The following SENP7 variants were observed in gnomAD, a reference collection of about 807,000 sequenced individuals.
SENP7 encodes sentrin-specific protease 7.
SENP7 carries 64 observed loss-of-function variants against 141.2 expected under a neutral mutation model. That is an observed-to-expected ratio of 0.45 (90% CI 0.37 to 0.56). The LOEUF is 0.56. Ranked by LOEUF, SENP7 falls within the 20% of genes least tolerant of loss-of-function variation. The pLI, the probability that SENP7 is intolerant of heterozygous loss-of-function variation, is 0.00. For synonymous variants in SENP7, 382 were observed against 426.4 expected, an observed-to-expected ratio of 0.90 and a Z score of 1.28; for missense variants, 1,025 against 1,212.2, an observed-to-expected ratio of 0.85 and a Z score of 2.29.
At chr3:101,377,977 A>T (rs918815474) in intron 6 of SENP7, among the ~76,000 whole-genome samples, 1 of 152,168 alleles carries the variant, frequency 6.6e-6, no homozygotes, top group African/African-American at 2.4e-5. Context: ...TAGCAGTAGG[A>T]TATAAATAAC....
intron 6 of SENP7, among the ~76,000 whole-genome samples, chr3:101,380,465 A>C (rs2060471068): frequency 6.7e-6 from 1 of 149,894 alleles, no homozygotes; most frequent in Non-Finnish European, 1.5e-5. Flanking sequence ...ACACAAAACA[A>C]AACATAACTA....
intron 5 of SENP7, among the ~76,000 whole-genome samples, chr3:101,408,999 T>C (rs1489614502): frequency 6.6e-6 from 1 of 152,158 alleles, no homozygotes; most frequent in African/African-American, 2.4e-5. Flanking sequence ...CTGTCCCTAT[T>C]TGCTGACGCT....
chr3:101,486,585 C>T (rs2064739200), intron 3 of SENP7, among the ~76,000 whole-genome samples: 1 of 152,170 alleles, frequency 6.6e-6, no homozygotes, highest in Non-Finnish European at 1.5e-5. Context: ...CAAGCCACCA[C>T]TACAAGAACT....
chr3:101,463,378 T>TATATATATATATAC (rs1553744686), intron 3 of SENP7, among the ~76,000 whole-genome samples: 153 of 84,348 alleles, frequency 1.8e-3, no homozygotes, highest in African/African-American at 3.0e-3. Context: ...TATATATATA[T>TATATATATATATAC]ATATATATAT....
At chr3:101,361,218 C>CG (rs375440743) in intron 11 of SENP7, among the ~76,000 whole-genome samples, 58,098 of 149,162 alleles carry the variant, frequency 0.39, 11,737 homozygotes, top group Admixed American at 0.53. Flanking sequence ...GTCCGCCCCC[C>CG]CAAAAAAAAA....
chr3:101,387,382 A>G (rs1261016662), intron 6 of SENP7, among the ~76,000 whole-genome samples: 1 of 151,312 alleles, frequency 6.6e-6, no homozygotes, highest in Non-Finnish European at 1.5e-5. Flanking sequence ...ACCCACCAAT[A>G]CCACTGCTGG....
chr3:101,329,775 T>TAAA (rs762298259), intron 20 of SENP7, among the ~76,000 whole-genome samples: 180 of 100,452 alleles, frequency 1.8e-3, no homozygotes, highest in Non-Finnish European at 2.6e-3. Flanking sequence ...CCATCTCTAC[T>TAAA]AAAAAAAAAA....
intron 3 of SENP7, among the ~76,000 whole-genome samples, chr3:101,470,362 A>G (rs898051502): frequency 6.6e-6 from 1 of 152,228 alleles, no homozygotes; most frequent in African/African-American, 2.4e-5. Flanking sequence ...ATGCAAATCA[A>G]TAAACGTAAT....
intron 3 of SENP7, among the ~76,000 whole-genome samples, chr3:101,462,017 T>C (rs1165109876): frequency 6.6e-6 from 1 of 152,116 alleles, no homozygotes; most frequent in African/African-American, 2.4e-5. Flanking sequence ...GTTGGCAGAA[T>C]AGAGAGATAA....
At chr3:101,401,569 C>T (rs1559772509) in intron 5 of SENP7, among the ~76,000 whole-genome samples, 1 of 151,890 alleles carries the variant, frequency 6.6e-6, no homozygotes, top group Non-Finnish European at 1.5e-5. Flanking sequence ...AGTGCTACTC[C>T]TATGAACACA....
Position 101,330,325 on chromosome 3 carries a change from C to T in SENP7, c.2751+9G>A, listed in dbSNP as rs1313346320. ...TTCCTTCCTTCCCATCTGTAAAGAA[C>T]ACACTTACTTGGGAATCCTCTGCAC... is the stretch of plus-strand genomic sequence containing the variant. On this transcript the variant is annotated intron_variant, in intron 20 of 23. Coordinates refer to ENST00000394095, the MANE Select transcript of SENP7 (RefSeq NM_020654.5). 3.1e-6 allele frequency: 5 copies of T among 1,588,786 alleles called. No individual in the cohort carries two copies. Among genetic ancestry groups the T allele is most frequent in the Middle Eastern group, 1.7e-4 (1 of 6,012 alleles).
At chr3:101,387,215 A>G (rs1252796836) in intron 6 of SENP7, among the ~76,000 whole-genome samples, 1 of 152,138 alleles carries the variant, frequency 6.6e-6, no homozygotes, top group Non-Finnish European at 1.5e-5. Context: ...CCATTAGCAC[A>G]TGAATGTGCT....
intron 1 of SENP7, among the ~76,000 whole-genome samples, chr3:101,505,532 A>G (rs1404686127): frequency 1.3e-5 from 2 of 152,030 alleles, no homozygotes; most frequent in Non-Finnish European, 2.9e-5. Context: ...CTTCTTGGCC[A>G]ACTTTGTCTA....
At chr3:101,428,228 G>T (rs549319651) in intron 4 of SENP7, among the ~76,000 whole-genome samples, 2 of 152,288 alleles carry the variant, frequency 1.3e-5, no homozygotes, top group South Asian at 4.1e-4. Flanking sequence ...GGGATTGCTA[G>T]GTCAAATGGT....
intron 3 of SENP7, among the ~76,000 whole-genome samples, chr3:101,467,365 G>T (rs2063797580): frequency 6.6e-6 from 1 of 152,396 alleles, no homozygotes; most frequent in Non-Finnish European, 1.5e-5. Context: ...TTTGAGAACA[G>T]ACAGACTGCC....
chr3:101,432,563 C>T (rs927467856), intron 4 of SENP7, among the ~76,000 whole-genome samples: 2 of 152,196 alleles, frequency 1.3e-5, no homozygotes, highest in Admixed American at 1.3e-4. Flanking sequence ...TGAGTCACTC[C>T]ACCCCCATCT....
At chr3:101,511,010 C>A (rs2065835812) in intron 1 of SENP7, among the ~76,000 whole-genome samples, 1 of 152,044 alleles carries the variant, frequency 6.6e-6, no homozygotes, top group Non-Finnish European at 1.5e-5. Flanking sequence ...TTAAGAAAAG[C>A]AGAAGCATAC....
rs2058960914 is a variant in SENP7 at position 101,328,398 on chromosome 3, T to C, written c.2864+80A>G. 4.3e-6 allele frequency: 4 copies of C among 939,138 alleles called. No individual in the cohort carries two copies. In the Admixed American group the frequency reaches 7.9e-5, roughly 19 times the overall value. The allele number at this position is 939,138 out of a possible 1,614,324, so 58.2% of individuals were successfully genotyped here. On this transcript the variant is annotated intron_variant, in intron 22 of 23. Transcript: ENST00000394095. ...TAAAATATAATTCCTGATATAGTCT[T>C]TTCAATAATTCTGAAGGTAACTTCA... is the stretch of plus-strand genomic sequence containing the variant.
chr3:101,375,755 T>C (rs1264821986), intron 6 of SENP7, among the ~76,000 whole-genome samples: 1 of 152,024 alleles, frequency 6.6e-6, no homozygotes, highest in African/African-American at 2.4e-5. Flanking sequence ...AAACAAAATG[T>C]GGTATATTCA....
Sources: allele counts gnomAD v4.1 joint callset (sites outside exome capture counted in the v4.1 genomes callset), GRCh38; gene constraint gnomAD v4.1.1; transcripts MANE v1.5; gene names NCBI Gene and HGNC (gene_info 2026-07-23, HGNC 2026-07-21).